The following TANC1 variants were observed in gnomAD, a reference collection of about 807,000 sequenced individuals.
TANC1 encodes the protein protein TANC1.
Under a neutral mutation model 149.7 loss-of-function variants are expected in TANC1, and 77 were observed. That is an observed-to-expected ratio of 0.51 (90% confidence interval 0.43 to 0.62). The LOEUF is 0.62. Among genes scored for constraint, TANC1 ranks in the 20% least tolerant of loss-of-function variants. The pLI is 0.00. For synonymous variants in TANC1, 854 were observed against 925.0 expected, an observed-to-expected ratio of 0.92 and a Z score of 1.39; for missense variants, 1,985 against 2,321.8, an observed-to-expected ratio of 0.85 and a Z score of 2.98.
chr2:159,216,567 C>G (rs188278756), intron 19 of TANC1, among the ~76,000 whole-genome samples: 5 of 152,192 alleles, frequency 3.3e-5, no homozygotes, highest in Admixed American at 2.6e-4. Context: ...AACTACACCC[C>G]CTGCTTATTA....
chr2:159,217,618 G>A lies in TANC1; in HGVS notation c.3366G>A (p.Gln1122=), dbSNP rs186778142. ...GVPPLFCAAR[Q]GHWQIVRLLL... ...CACCTTTGTTTTGTGCAGCACGCCA[G>A]GGGCATTGGCAGGTACCCAGGGGGC... Residue 1122 remains glutamine (Q), a synonymous_variant, in exon 20 of 27, where the codon CAG becomes CAA. Transcript: ENST00000263635. The A allele has an allele frequency of 1.8e-3, 2,882 of 1,614,144 alleles. 4 individuals are homozygous for A. Among genetic ancestry groups the A allele is most frequent in the Non-Finnish European group, 1.9e-3 (2,256 of 1,180,032 alleles).
At chr2:158,991,157 G>A (rs2035590516) in intron 1 of TANC1, among the ~76,000 whole-genome samples, 1 of 151,034 alleles carries the variant, frequency 6.6e-6, no homozygotes, top group Non-Finnish European at 1.5e-5. Flanking sequence ...GTAGTTTAGG[G>A]ATTAAAATAC....
chr2:159,165,475 G>A (rs777979154), intron 8 of TANC1, among the ~76,000 whole-genome samples: 14 of 152,180 alleles, frequency 9.2e-5, no homozygotes, highest in Non-Finnish European at 1.8e-4. Flanking sequence ...CCTATTTCAT[G>A]ATATCTGTTA....
intron 4 of TANC1, among the ~76,000 whole-genome samples, chr2:159,099,559 T>A (rs1489649761): frequency 6.6e-6 from 1 of 151,758 alleles, no homozygotes; most frequent in Admixed American, 6.6e-5. Flanking sequence ...GTAGTCATGC[T>A]CCTGAACTTT....
intron 16 of TANC1, among the ~76,000 whole-genome samples, chr2:159,189,511 A>G (rs927167091): frequency 6.6e-6 from 1 of 152,368 alleles, no homozygotes; most frequent in East Asian, 1.9e-4. Flanking sequence ...ACATGTACAG[A>G]TGCTGAGTGC....
chr2:159,091,055 G>T (rs1181877001), intron 3 of TANC1, among the ~76,000 whole-genome samples: 2 of 151,612 alleles, frequency 1.3e-5, no homozygotes, highest in South Asian at 2.1e-4. Flanking sequence ...CTTCCCCTCT[G>T]TGGTGGCCCA....
rs2059887139 is a variant in TANC1 at position 159,224,334 on chromosome 2, G to C, written c.3781G>C (p.Val1261Leu). Residue 1261 changes from valine to leucine, a missense_variant, in exon 23 of 27, where the codon GTG becomes CTG. Physicochemically the swap from Val to Leu is conservative, Grantham distance 32 (BLOSUM62 1). Around this residue, in one of 3 missense-constraint regions of TANC1, gnomAD observed 920 missense variants for 994.7 expected, o/e 0.92. Coordinates refer to ENST00000263635, the MANE Select transcript of TANC1 (RefSeq NM_033394.3). ...AIGCRNTSVV[V>L]ALLRKGAKLG... ...CGGCTGCCGGAACACATCTGTAGTGGTGGCGCTACTCAGAAAGGGAGCCAA... is the reference window on the plus strand; with the variant it reads ...CGGCTGCCGGAACACATCTGTAGTGCTGGCGCTACTCAGAAAGGGAGCCAA... 1.9e-6 allele frequency: 3 copies of C among 1,614,172 alleles called. No individual in the cohort carries two copies. Among genetic ancestry groups the C allele is most frequent in the Non-Finnish European group, 2.5e-6 (3 of 1,180,034 alleles).
intron 7 of TANC1, 87 bp from the exon 8 acceptor site, chr2:159,163,196 A>G (rs2054222497): frequency 4.4e-6 from 6 of 1,350,046 alleles, no homozygotes; most frequent in Admixed American, 2.2e-5. Context: ...CTTTCCATTG[A>G]TCCTGGGGAG....
At chr2:159,227,756 G>T (rs879300296) in intron 24 of TANC1, 63 bp from the exon 25 acceptor site, 4 of 1,568,246 alleles carry the variant, frequency 2.6e-6, no homozygotes, top group Non-Finnish European at 2.6e-6. Flanking sequence ...TGTTCCAGGT[G>T]TGGGAGTTAT....
chr2:159,223,084 T>C (rs1374426290), intron 22 of TANC1, among the ~76,000 whole-genome samples: 1 of 152,166 alleles, frequency 6.6e-6, no homozygotes, highest in Non-Finnish European at 1.5e-5. Context: ...TTTTGTATTT[T>C]TAGTAGAGAT....
Position 159,229,845 on chromosome 2 carries a change from A to AT in TANC1, c.4419_4420insT (p.Thr1474TyrfsTer140), listed in dbSNP as rs2060243092. 6.2e-7 allele frequency: 1 copy of AT among 1,613,952 alleles called. No homozygotes were observed. Among genetic ancestry groups the AT allele is most frequent in the Non-Finnish European group, 8.5e-7 (1 of 1,180,030 alleles). ...CTCCCCAGGAAGAATCTGTTTCCCC[A>AT]ACTCCCAGGTCCCAGCCATCCTCAT... On this transcript the variant is annotated frameshift_variant, in exon 27 of 27. Transcript: ENST00000263635. LOFTEE classifies it low-confidence loss of function (END_TRUNC).
chr2:159,207,967 A>G (rs2058741347), intron 19 of TANC1, among the ~76,000 whole-genome samples: 1 of 152,180 alleles, frequency 6.6e-6, no homozygotes, highest in Non-Finnish European at 1.5e-5. Context: ...AATCAAGAGC[A>G]TGACTTCAGG....
At chr2:159,017,695 A>ATATAT (rs2038416320) in intron 2 of TANC1, among the ~76,000 whole-genome samples, 1 of 138,878 alleles carries the variant, frequency 7.2e-6, no homozygotes, top group African/African-American at 2.7e-5. Flanking sequence ...ACAACAACAA[A>ATATAT]ATATATATAT....
At chr2:159,137,638 G>T (rs564467980) in intron 5 of TANC1, among the ~76,000 whole-genome samples, 1 of 152,292 alleles carries the variant, frequency 6.6e-6, no homozygotes, top group African/African-American at 2.4e-5. Flanking sequence ...ACGTGGGCAG[G>T]CAGTCTGTTC....
chr2:159,055,477 A>G (rs1412279036), intron 2 of TANC1, among the ~76,000 whole-genome samples: 3 of 152,166 alleles, frequency 2.0e-5, no homozygotes, highest in Admixed American at 6.5e-5. Flanking sequence ...GCAGCTATTC[A>G]GTGCCTGAGC....
chr2:159,175,082 G>A lies in TANC1; in HGVS notation c.1633G>A (p.Glu545Lys), dbSNP rs1459405113. The change falls in exon 12 of 27, where the codon GAG becomes AAG. Residue 545 changes from glutamate to lysine, a missense_variant. Physicochemically the swap from Glu to Lys is moderately conservative, Grantham distance 56. Around this residue, in one of 3 missense-constraint regions of TANC1, gnomAD observed 508 missense variants for 714.2 expected, o/e 0.71. Transcript: ENST00000263635. The part of the protein sequence containing the change: ...LAAYRDLLIK[E>K]PQLQSMLSLR... The stretch of plus-strand genomic sequence containing the variant: ...CGCCTACAGAGACCTTCTGATAAAG[G>A]AGCCCCAACTACAGAGCATGCTGAG... The A allele has an allele frequency of 1.9e-6, 3 of 1,614,156 alleles. No homozygotes were observed. In the Admixed American group the frequency reaches 5.0e-5, roughly 27 times the overall value.
At chr2:159,085,888 T>C (rs1574555053) in intron 3 of TANC1, among the ~76,000 whole-genome samples, 2 of 152,276 alleles carry the variant, frequency 1.3e-5, no homozygotes, top group African/African-American at 4.8e-5. Context: ...CATACACACA[T>C]AGGTGAAACA....
At chr2:159,097,232 G>A (rs1413536672) in intron 3 of TANC1, among the ~76,000 whole-genome samples, 6 of 152,148 alleles carry the variant, frequency 3.9e-5, no homozygotes, top group Non-Finnish European at 7.3e-5. Flanking sequence ...GGAGGCCTGG[G>A]AGTTCTGGAA....
chr2:159,203,050 T>C (rs537910904), intron 19 of TANC1, among the ~76,000 whole-genome samples: 2 of 152,238 alleles, frequency 1.3e-5, no homozygotes, highest in Admixed American at 1.3e-4. Context: ...TTGCTCTGAA[T>C]AGAAGAGAAC....
Sources: allele counts gnomAD v4.1 joint callset (sites outside exome capture counted in the v4.1 genomes callset), GRCh38; gene constraint gnomAD v4.1.1; regional missense constraint gnomAD v4.1.1; transcripts MANE v1.5; gene names NCBI Gene and HGNC (gene_info 2026-07-23, HGNC 2026-07-21).